Variants in PHF21A observed in about 807,000 individuals in gnomAD.
PHF21A encodes PHD finger protein 21A.
A neutral mutation model predicts 82.5 loss-of-function variants in PHF21A; 11 were observed. The ratio of observed to expected loss-of-function variants is 0.13; its 90% confidence interval spans 0.08 to 0.22. PHF21A has a LOEUF of 0.22. Ranked by LOEUF, PHF21A falls within the 10% of genes least tolerant of loss-of-function variation. PHF21A has a pLI of 1.00. For missense variants in PHF21A, 579 were observed against 837.8 expected (o/e 0.69, Z 3.81); for synonymous variants, 297 against 302.8 (o/e 0.98, Z 0.20).
chr11:46,042,746 G>A (rs1430675282), intron 6 of PHF21A, among the ~76,000 whole-genome samples: 2 of 151,980 alleles, frequency 1.3e-5, no homozygotes, highest in African/African-American at 2.4e-5. Context: ...TTATAAAAGA[G>A]GCCTATGAAA....
intron 7 of PHF21A, among the ~76,000 whole-genome samples, chr11:45,976,632 CGG>C (rs2094039012): frequency 6.6e-6 from 1 of 151,978 alleles, no homozygotes; most frequent in South Asian, 2.1e-4. Flanking sequence ...ACTTGAGCTC[CGG>C]AGTTTGAGAC....
intron 7 of PHF21A, among the ~76,000 whole-genome samples, chr11:45,974,620 A>T (rs375044805): frequency 6.6e-6 from 1 of 151,102 alleles, no homozygotes; most frequent in South Asian, 2.1e-4. Flanking sequence ...CACCTGGCTA[A>T]TTTTTTTTAT....
At chr11:46,113,016 C>A (rs1396329146) in intron 1 of PHF21A, among the ~76,000 whole-genome samples, 1 of 152,132 alleles carries the variant, frequency 6.6e-6, no homozygotes, top group Non-Finnish European at 1.5e-5. Context: ...ATTTGAGCAG[C>A]ATAATAATCA....
intron 1 of PHF21A, among the ~76,000 whole-genome samples, chr11:46,119,030 A>G (rs912047947): frequency 1.3e-5 from 2 of 152,132 alleles, no homozygotes; most frequent in South Asian, 2.1e-4. Flanking sequence ...CAAAAAGGAG[A>G]TAATTCCAGC....
At chr11:45,937,352 G>A (rs2089323734) in intron 16 of PHF21A, among the ~76,000 whole-genome samples, 1 of 152,214 alleles carries the variant, frequency 6.6e-6, no homozygotes, top group Non-Finnish European at 1.5e-5. Context: ...AAGAGAGAAC[G>A]AGGGAGGCTA....
intron 5 of PHF21A, among the ~76,000 whole-genome samples, chr11:46,077,853 T>C (rs541846064): frequency 1.2e-4 from 18 of 152,194 alleles, no homozygotes; most frequent in Non-Finnish European, 2.5e-4. Context: ...CCACATTAAA[T>C]AGGAAAGGAC....
intron 6 of PHF21A, among the ~76,000 whole-genome samples, chr11:46,035,716 G>A (rs2095986049): frequency 6.6e-6 from 1 of 152,214 alleles, no homozygotes; most frequent in Non-Finnish European, 1.5e-5. Context: ...GCTCACCAAG[G>A]TGGGGAGGAG....
intron 6 of PHF21A, among the ~76,000 whole-genome samples, chr11:45,997,302 G>A (rs2094941687): frequency 6.6e-6 from 1 of 152,116 alleles, no homozygotes; most frequent in Admixed American, 6.6e-5. Context: ...TATCACTAGT[G>A]TATCCTTTTT....
At chr11:46,099,353 A>G (rs2097054864) in intron 1 of PHF21A, among the ~76,000 whole-genome samples, 1 of 152,200 alleles carries the variant, frequency 6.6e-6, no homozygotes, top group Non-Finnish European at 1.5e-5. Context: ...TAATCAGAGT[A>G]CTTCCAGATA....
At chr11:46,073,398 A>G (rs2096679611) in intron 6 of PHF21A, among the ~76,000 whole-genome samples, 1 of 152,086 alleles carries the variant, frequency 6.6e-6, no homozygotes, top group Non-Finnish European at 1.5e-5. Flanking sequence ...GAAGAATGTC[A>G]TTAGATTTTT....
chr11:46,080,125 T>TA (rs1243728275), intron 4 of PHF21A, among the ~76,000 whole-genome samples: 2 of 152,152 alleles, frequency 1.3e-5, no homozygotes, highest in East Asian at 3.9e-4. Flanking sequence ...AGTTGTAAAA[T>TA]AAAACCTTTC....
rs895850586 is a variant in PHF21A, at chr11:46,090,506, A to G, written c.-135T>C. The G allele has an allele frequency of 6.6e-6, 1 of 152,192 alleles. No individual in the cohort carries two copies. Among genetic ancestry groups the G allele is most frequent in the Non-Finnish European group, 1.5e-5 (1 of 68,044 alleles). The allele number at this position is 152,192 out of a possible 1,614,324, so 9.4% of individuals were successfully genotyped here. A position where few individuals can be genotyped will look rare whatever the true frequency, so the allele number is the denominator to read the frequency against. ...TTAGAAGTATTCAAGAATGCTGCAT[A>G]TCATATCCCCCTCTTGGAGATTCAC... On this transcript the variant is annotated 5_prime_UTR_variant, in exon 3 of 19. Transcript: ENST00000676320.
At chr11:46,116,634 CAA>C (rs1160388861) in intron 1 of PHF21A, 1 of 150,740 alleles carries the variant, frequency 6.6e-6, no homozygotes, top group Non-Finnish European at 1.5e-5. Flanking sequence ...AAAACTATAA[CAA>C]AGACATTTTT....
chr11:45,940,073 C>A (rs2090051007), intron 15 of PHF21A, among the ~76,000 whole-genome samples: 1 of 152,182 alleles, frequency 6.6e-6, no homozygotes, highest in Non-Finnish European at 1.5e-5. Context: ...AACACATCGT[C>A]ATGGACCTAC....
chr11:46,022,314 G>C (rs552889603), intron 6 of PHF21A, among the ~76,000 whole-genome samples: 6 of 152,198 alleles, frequency 3.9e-5, no homozygotes, highest in African/African-American at 1.2e-4. Flanking sequence ...AATTAGCCAG[G>C]TATGGTGGCT....
At chr11:46,076,044 A>G (rs34225581) in intron 6 of PHF21A, among the ~76,000 whole-genome samples, 2 of 152,210 alleles carry the variant, frequency 1.3e-5, no homozygotes, top group African/African-American at 4.8e-5. Flanking sequence ...AGAAACAAGA[A>G]AACAAATGCT....
chr11:46,005,873 G>C (rs2095281952), intron 6 of PHF21A, among the ~76,000 whole-genome samples: 1 of 151,964 alleles, frequency 6.6e-6, no homozygotes, highest in South Asian at 2.1e-4. Flanking sequence ...TGCTTTTTTT[G>C]CATGTGAATC....
intron 6 of PHF21A, among the ~76,000 whole-genome samples, chr11:45,998,008 C>G (rs1206237519): frequency 2.0e-5 from 3 of 152,144 alleles, no homozygotes; most frequent in African/African-American, 7.2e-5. Context: ...AGTTTTGCTC[C>G]TATCAAAACA....
At chr11:45,946,876 C>T (rs1183767343) in intron 14 of PHF21A, among the ~76,000 whole-genome samples, 3 of 152,152 alleles carry the variant, frequency 2.0e-5, no homozygotes, top group Non-Finnish European at 4.4e-5. Context: ...CTATTCTTAT[C>T]CCTTGCTTTT....
Sources: allele counts gnomAD v4.1 joint callset (sites outside exome capture counted in the v4.1 genomes callset), GRCh38; gene constraint gnomAD v4.1.1; transcripts MANE v1.5; gene names NCBI Gene and HGNC (gene_info 2026-07-23, HGNC 2026-07-21).